The following BFSP2 variants were observed in gnomAD, a reference collection of about 807,000 sequenced individuals.
The protein encoded by BFSP2 is beaded filament structural protein 2, also known as phakinin.
A neutral mutation model predicts 44.9 loss-of-function variants in BFSP2; 38 were observed. That is an observed-to-expected ratio of 0.85 (90% CI 0.65 to 1.11). The LOEUF (loss-of-function observed/expected upper bound fraction) is 1.11, where lower values mean the gene tolerates loss of function less well. Among genes scored for constraint, BFSP2 ranks in the 50% least tolerant of loss-of-function variants. The pLI is 0.00. For missense variants in BFSP2, 525 were observed against 533.0 expected, an observed-to-expected ratio of 0.99 and a Z score of 0.15; for synonymous variants, 197 against 209.9, an observed-to-expected ratio of 0.94 and a Z score of 0.53.
rs1576589375 is a variant in BFSP2 at position 133,452,265 on chromosome 3, C to T, written c.891+1801C>T. Among the ~76,000 whole-genome samples the T allele has an allele frequency of 3.9e-5, 6 of 152,340 alleles. No individual in the cohort carries two copies. The South Asian group carries it at 1.2e-3, about 32-fold the overall frequency. On this transcript the variant is annotated intron_variant, in intron 4 of 6. Transcript: ENST00000302334. Reference sequence around the variant, plus strand: ...CAAGTATCAACAAGAACCTTCCCAGCAGGGTCTTCATCAATTCTGGATTCC... The same window carrying T: ...CAAGTATCAACAAGAACCTTCCCAGTAGGGTCTTCATCAATTCTGGATTCC...
intron 4 of BFSP2, 87 bp from the exon 5 acceptor site, chr3:133,466,741 T>C (rs1559983967): frequency 7.2e-7 from 1 of 1,388,996 alleles, no homozygotes; most frequent in Non-Finnish European, 1.0e-6. Context: ...TTAGAGGCAG[T>C]GGAGTGGTGA....
intron 1 of BFSP2, among the ~76,000 whole-genome samples, chr3:133,439,044 C>T (rs2073819354): frequency 6.6e-6 from 1 of 152,194 alleles, no homozygotes; most frequent in Non-Finnish European, 1.5e-5. Flanking sequence ...ACTGAGTTTC[C>T]TCATCACATA....
chr3:133,406,098 C>T lies in BFSP2; in HGVS notation c.489+5526C>T, dbSNP rs538506522. ...CCCAAGTAGCTGGGATTACAGGTGC[C>T]CACCACCATATCCAGCTATTTTTTT... On this transcript the variant is annotated intron_variant, in intron 1 of 6. Transcript: ENST00000302334. 1.2e-3 allele frequency among the ~76,000 whole-genome samples: 181 copies of T among 151,716 alleles called. 1 individual carries two copies. Among genetic ancestry groups the T allele is most frequent in the African/African-American group, 4.0e-3 (164 of 41,388 alleles).
intron 5 of BFSP2, among the ~76,000 whole-genome samples, chr3:133,469,141 G>T (rs1290044152): frequency 6.6e-6 from 1 of 152,214 alleles, no homozygotes; most frequent in Non-Finnish European, 1.5e-5. Flanking sequence ...TCAGAGTAGT[G>T]CCATTCTGTC....
At chr3:133,431,610 C>T (rs968432741) in intron 1 of BFSP2, among the ~76,000 whole-genome samples, 5 of 152,174 alleles carry the variant, frequency 3.3e-5, no homozygotes, top group Admixed American at 2.0e-4. Context: ...GCTGCCCGAT[C>T]GCCTCAGAAG....
At chr3:133,425,630 C>A (rs1003123950) in intron 1 of BFSP2, among the ~76,000 whole-genome samples, 1 of 151,992 alleles carries the variant, frequency 6.6e-6, no homozygotes, top group Admixed American at 6.5e-5. Flanking sequence ...CTCACTTTCT[C>A]CCCTGCCCAG....
chr3:133,401,338 T>C (rs993701210), intron 1 of BFSP2, among the ~76,000 whole-genome samples: 1 of 152,268 alleles, frequency 6.6e-6, no homozygotes, highest in African/African-American at 2.4e-5. Context: ...CCACTAGCCA[T>C]ATATGGCTAT....
intron 5 of BFSP2, 130 bp from the exon 6 acceptor site, chr3:133,472,215 A>G: frequency 9.8e-7 from 1 of 1,021,174 alleles, no homozygotes; most frequent in Non-Finnish European, 1.5e-6. Context: ...AGTCTCCATA[A>G]CTGGCAAGGT....
chr3:133,429,116 C>T (rs187939477), intron 1 of BFSP2, among the ~76,000 whole-genome samples: 2 of 152,062 alleles, frequency 1.3e-5, no homozygotes, highest in Admixed American at 6.5e-5. Flanking sequence ...CCCCCACCCC[C>T]CCAGAGGTCA....
chr3:133,467,092 C>A, intron 5 of BFSP2, 133 bp downstream of exon 5: 2 of 1,237,140 alleles, frequency 1.6e-6, no homozygotes, highest in Non-Finnish European at 2.3e-6. Flanking sequence ...CCTGAAATGT[C>A]TTCTGACTCC....
At position 133,425,853 on chromosome 3, in the gene BFSP2, G is replaced by C. The variant is rs66645956; in HGVS notation, c.490-21464G>C. Among the ~76,000 whole-genome samples, 718 of 114,296 alleles carry C rather than the reference G, an allele frequency of 6.3e-3. 16 individuals carry two copies. The highest frequency in any genetic ancestry group is 0.023 in the African/African-American group (534 of 23,666). 75.0% of individuals were successfully genotyped at this position (114,296 alleles called of 152,430 possible). A position where few individuals can be genotyped will look rare whatever the true frequency, so the allele number is the denominator to read the frequency against. ...AGGGAAGGGAAATAAAGAAGGGAAAGGAAGGGAAGGGAAGGGAAATAAAGA... is the reference window on the plus strand; with the variant it reads ...AGGGAAGGGAAATAAAGAAGGGAAACGAAGGGAAGGGAAGGGAAATAAAGA... On this transcript the variant is annotated intron_variant, in intron 1 of 6. Coordinates refer to ENST00000302334, the MANE Select transcript of BFSP2 (RefSeq NM_003571.4).
intron 3 of BFSP2, among the ~76,000 whole-genome samples, chr3:133,449,500 T>TTTTG (rs144765332): frequency 0.016 from 2,429 of 150,954 alleles, 70 homozygotes; most frequent in African/African-American, 0.054. Context: ...ACATGTGGTT[T>TTTTG]TTTGTTTGTT....
rs138310212 is a variant in BFSP2 at position 133,453,631 on chromosome 3, G to GA, written c.891+3168dup. Among the ~76,000 whole-genome samples the GA allele has an allele frequency of 2.1e-3, 326 of 152,324 alleles. 1 individual carries two copies. Among genetic ancestry groups the GA allele is most frequent in the African/African-American group, 7.7e-3 (318 of 41,562 alleles). On this transcript the variant is annotated intron_variant, in intron 4 of 6. Transcript: ENST00000302334. ...GAGAGGGGAAAGGCAAGGGAGCTGA[G>GA]ATGTTAATACCATCTCCCAACAGTT... is the stretch of plus-strand genomic sequence containing the variant.
At chr3:133,441,905 C>T (rs1399356505) in intron 1 of BFSP2, among the ~76,000 whole-genome samples, 1 of 152,166 alleles carries the variant, frequency 6.6e-6, no homozygotes, top group African/African-American at 2.4e-5. Context: ...AATGAGGGAG[C>T]TATTCATGCA....
chr3:133,458,001 C>T (rs1255498796), intron 4 of BFSP2, among the ~76,000 whole-genome samples: 1 of 152,166 alleles, frequency 6.6e-6, no homozygotes, highest in East Asian at 1.9e-4. Flanking sequence ...GTTAAATGAA[C>T]TTATAGACAT....
At chr3:133,425,895 G>A (rs892043975) in intron 1 of BFSP2, among the ~76,000 whole-genome samples, 2 of 108,072 alleles carry the variant, frequency 1.9e-5, no homozygotes, top group Admixed American at 1.1e-4. Context: ...GGGAAGGCAA[G>A]GGAAATAAGA....
chr3:133,429,555 C>T (rs1455397645), intron 1 of BFSP2: 1 of 152,202 alleles, frequency 6.6e-6, no homozygotes, highest in Non-Finnish European at 1.5e-5. Context: ...ATGTTAGTCT[C>T]ATCCAAAAAC....
chr3:133,403,085 GC>G (rs1219232707), intron 1 of BFSP2, among the ~76,000 whole-genome samples: 1 of 152,092 alleles, frequency 6.6e-6, no homozygotes, highest in African/African-American at 2.4e-5. Context: ...GCTGCAGGAG[GC>G]CCCCACCAGG....
At chr3:133,469,453 T>C (rs1363465860) in intron 5 of BFSP2, among the ~76,000 whole-genome samples, 3 of 152,240 alleles carry the variant, frequency 2.0e-5, no homozygotes, top group Admixed American at 1.3e-4. Flanking sequence ...GCACAAATAA[T>C]GGTGCTTGAG....
Sources: gnomAD v4.1 joint callset for allele counts (sites outside exome capture counted in the v4.1 genomes callset) on GRCh38, gnomAD v4.1.1 for gene constraint, MANE v1.5 for transcripts, NCBI Gene and HGNC (gene_info 2026-07-23, HGNC 2026-07-21) for gene names.